The following SGCZ variants were observed in gnomAD, a reference collection of about 807,000 sequenced individuals.
SGCZ encodes zeta-sarcoglycan.
In SGCZ, 40 loss-of-function variants were observed where a neutral mutation model predicts 41.3. The ratio of observed to expected loss-of-function variants is 0.97; its 90% CI spans 0.75 to 1.26. SGCZ has a LOEUF of 1.26. Among genes scored for constraint, SGCZ ranks in the 50% most tolerant of loss-of-function variants. The pLI is 0.00. For synonymous variants in SGCZ, 206 were observed against 137.5 expected, an observed-to-expected ratio of 1.50 and a Z score of -3.49; for missense variants, 552 against 369.8, an observed-to-expected ratio of 1.49 and a Z score of -4.04.
At chr8:14,921,854 T>G (rs2130792243) in intron 1 of SGCZ, among the ~76,000 whole-genome samples, 1 of 152,280 alleles carries the variant, frequency 6.6e-6, no homozygotes, top group South Asian at 2.1e-4. Context: ...TGTGAACAAC[T>G]GAAAGACAAG....
intron 1 of SGCZ, among the ~76,000 whole-genome samples, chr8:15,181,979 C>T (rs909937599): frequency 2.0e-5 from 3 of 152,084 alleles, no homozygotes; most frequent in Non-Finnish European, 2.9e-5. Context: ...AGTCCTCAAA[C>T]GATGGTGGGT....
chr8:14,467,489 C>T (rs534961430), intron 2 of SGCZ, among the ~76,000 whole-genome samples: 1 of 152,028 alleles, frequency 6.6e-6, no homozygotes, highest in African/African-American at 2.4e-5. Context: ...AAACTGTGTG[C>T]AAACTGCTTC....
intron 2 of SGCZ, among the ~76,000 whole-genome samples, chr8:14,476,561 A>T (rs1001781892): frequency 2.6e-5 from 4 of 151,976 alleles, no homozygotes; most frequent in South Asian, 4.1e-4. Flanking sequence ...TCTCTCTCTA[A>T]CTCTTGAGAG....
intron 1 of SGCZ, among the ~76,000 whole-genome samples, chr8:15,216,378 C>G (rs544441720): frequency 6.6e-6 from 1 of 152,004 alleles, no homozygotes; most frequent in Middle Eastern, 3.4e-3. Flanking sequence ...CACCACCACG[C>G]CTGGCTAACT....
chr8:14,877,451 A>G (rs1177911446), intron 1 of SGCZ, among the ~76,000 whole-genome samples: 4 of 152,150 alleles, frequency 2.6e-5, no homozygotes, highest in African/African-American at 9.7e-5. Context: ...TGAAAATCCA[A>G]CTGCTTCTAA....
intron 3 of SGCZ, among the ~76,000 whole-genome samples, chr8:14,261,265 A>G (rs912272834): frequency 2.0e-5 from 3 of 152,170 alleles, no homozygotes; most frequent in Admixed American, 1.3e-4. Flanking sequence ...TTAATATTTT[A>G]ATCATAATTT....
At chr8:14,605,293 G>C (rs1382586053) in intron 1 of SGCZ, among the ~76,000 whole-genome samples, 1 of 151,766 alleles carries the variant, frequency 6.6e-6, no homozygotes. Flanking sequence ...CATAGTGAGT[G>C]TATATATTTA....
chr8:14,558,574 T>TAGAGAGAGAGAGAG (rs146179658), intron 1 of SGCZ, among the ~76,000 whole-genome samples: 5,334 of 99,246 alleles, frequency 0.054, 298 homozygotes, highest in Middle Eastern at 0.076. Context: ...GAATGACTCT[T>TAGAGAGAGAGAGAG]AGAGAGAGAG....
At chr8:15,103,765 T>G (rs755675517) in intron 1 of SGCZ, among the ~76,000 whole-genome samples, 23 of 152,068 alleles carry the variant, frequency 1.5e-4, no homozygotes, top group Non-Finnish European at 2.8e-4. Context: ...TTGGTACCAT[T>G]AAACAGTAAA....
chr8:14,651,513 A>C (rs899758374), intron 1 of SGCZ, among the ~76,000 whole-genome samples: 4 of 152,064 alleles, frequency 2.6e-5, no homozygotes, highest in Non-Finnish European at 4.4e-5. Context: ...AAAGGCTTTT[A>C]AGCGTGGATG....
chr8:14,805,999 G>T (rs1412010704), intron 1 of SGCZ, among the ~76,000 whole-genome samples: 2 of 151,044 alleles, frequency 1.3e-5, no homozygotes, highest in Non-Finnish European at 2.9e-5. Flanking sequence ...ATAACGAAAT[G>T]AAGGCAGAAA....
At chr8:14,186,307 G>C (rs1418302488) in intron 4 of SGCZ, among the ~76,000 whole-genome samples, 3 of 152,234 alleles carry the variant, frequency 2.0e-5, no homozygotes, top group Non-Finnish European at 4.4e-5. Context: ...CAGAAGCAGA[G>C]AGAGACTGTA....
chr8:14,728,834 T>C (rs1441353048), intron 1 of SGCZ, among the ~76,000 whole-genome samples: 1 of 152,166 alleles, frequency 6.6e-6, no homozygotes, highest in Non-Finnish European at 1.5e-5. Context: ...GAGTAGCAAA[T>C]ACATCCCAAG....
At chr8:14,354,969 T>G (rs1585399412) in intron 2 of SGCZ, among the ~76,000 whole-genome samples, 1 of 152,122 alleles carries the variant, frequency 6.6e-6, no homozygotes, top group Middle Eastern at 3.4e-3. Flanking sequence ...CTTAGTTCAA[T>G]ATTAATAAAT....
chr8:15,031,902 CCT>C (rs751690018), intron 1 of SGCZ, among the ~76,000 whole-genome samples: 33,465 of 130,598 alleles, frequency 0.26, 3,972 homozygotes, highest in South Asian at 0.39. Flanking sequence ...CCTCTATATT[CCT>C]CTCTCTCTCT....
chr8:14,443,678 T>C (rs1462231963), intron 2 of SGCZ, among the ~76,000 whole-genome samples: 1 of 152,154 alleles, frequency 6.6e-6, no homozygotes, highest in Non-Finnish European at 1.5e-5. Flanking sequence ...GATTAAAGAC[T>C]GAAACGTTAG....
At chr8:14,398,765 T>C (rs535846558) in intron 2 of SGCZ, among the ~76,000 whole-genome samples, 3 of 152,290 alleles carry the variant, frequency 2.0e-5, no homozygotes, top group South Asian at 4.1e-4. Context: ...TGAGTTATAA[T>C]GTCCAGCATT....
chr8:14,232,138 T>TATAG (rs1447084783), intron 4 of SGCZ, among the ~76,000 whole-genome samples: 1 of 150,978 alleles, frequency 6.6e-6, no homozygotes, highest in African/African-American at 2.4e-5. Flanking sequence ...TCTTTCATCA[T>TATAG]ATATATATAC....
chr8:15,134,929 G>T (rs1306651258), intron 1 of SGCZ, among the ~76,000 whole-genome samples: 2 of 151,866 alleles, frequency 1.3e-5, no homozygotes, highest in Admixed American at 1.3e-4. Flanking sequence ...GTTTTTGAAA[G>T]ACAATAGTTT....
Sources: allele counts gnomAD v4.1 joint callset (sites outside exome capture counted in the v4.1 genomes callset), GRCh38; gene constraint gnomAD v4.1.1; transcripts MANE v1.5; gene names NCBI Gene and HGNC (gene_info 2026-07-23, HGNC 2026-07-21).